Variants in UBAC2 observed in about 807,000 individuals in gnomAD.
The protein encoded by UBAC2 is UBA domain containing 2.
In UBAC2, 26 loss-of-function variants were observed where a neutral mutation model predicts 44.0. The ratio of observed to expected loss-of-function variants is 0.59; its 90% CI spans 0.43 to 0.82. The LOEUF (loss-of-function observed/expected upper bound fraction) is 0.82, where lower values mean the gene tolerates loss of function less well. Among genes scored for constraint, UBAC2 ranks in the 40% least tolerant of loss-of-function variants. UBAC2 has a pLI of 0.00. For synonymous variants in UBAC2, 155 were observed against 154.3 expected, an observed-to-expected ratio of 1.00 and a Z score of -0.04; for missense variants, 329 against 419.4, an observed-to-expected ratio of 0.78 and a Z score of 1.88.
intron 4 of UBAC2, among the ~76,000 whole-genome samples, chr13:99,262,849 G>A (rs139071706): frequency 6.6e-6 from 1 of 151,122 alleles, no homozygotes; most frequent in Non-Finnish European, 1.5e-5. Flanking sequence ...CATTTGTATA[G>A]TAAAAGTAAA....
intron 4 of UBAC2, among the ~76,000 whole-genome samples, chr13:99,248,865 AC>A (rs1410911887): frequency 1.3e-5 from 2 of 151,606 alleles, no homozygotes; most frequent in Non-Finnish European, 2.9e-5. Flanking sequence ...CTCAAAGAAA[AC>A]TCATGTTCAG....
At chr13:99,372,765 A>G (rs1026204147) in intron 8 of UBAC2, 1 of 152,304 alleles carries the variant, frequency 6.6e-6, no homozygotes, top group African/African-American at 2.4e-5. Flanking sequence ...GCCAAAGACC[A>G]CTTGATAAAA....
At position 99,282,691 on chromosome 13, in the gene UBAC2, G is replaced by A. The variant is rs529253265; in HGVS notation, c.390-31406G>A. Reference sequence around the variant, plus strand: ...AATAGTGAAGGGAACTTGAAGTCTGGTTGTATTCAAGATTCACTTCCTGTT... The same window carrying A: ...AATAGTGAAGGGAACTTGAAGTCTGATTGTATTCAAGATTCACTTCCTGTT... On this transcript the variant is annotated intron_variant, in intron 4 of 8. Transcript: ENST00000403766. Among the ~76,000 whole-genome samples, 8 of 152,274 alleles carry A rather than the reference G, an allele frequency of 5.3e-5. 1 individual carries two copies. The South Asian group carries it at 1.7e-3, about 32-fold the overall frequency.
chr13:99,321,225 CTT>C (rs1214067103), intron 6 of UBAC2, among the ~76,000 whole-genome samples: 1 of 152,180 alleles, frequency 6.6e-6, no homozygotes, highest in Non-Finnish European at 1.5e-5. Context: ...AAACCAAAAA[CTT>C]TACTCATGCT....
intron 7 of UBAC2, among the ~76,000 whole-genome samples, chr13:99,362,242 T>A (rs569741624): frequency 1.3e-5 from 2 of 152,212 alleles, no homozygotes; most frequent in South Asian, 4.1e-4. Flanking sequence ...TTTATAATGG[T>A]CTTTTATATA....
At chr13:99,237,242 A>G (rs1425922251) in intron 1 of UBAC2, among the ~76,000 whole-genome samples, 1 of 142,786 alleles carries the variant, frequency 7.0e-6, no homozygotes, top group African/African-American at 2.6e-5. Context: ...ATAGATAAAG[A>G]AAATTTTATG....
chr13:99,336,185 C>A (rs1361659174), intron 6 of UBAC2, among the ~76,000 whole-genome samples: 1 of 152,122 alleles, frequency 6.6e-6, no homozygotes, highest in Non-Finnish European at 1.5e-5. Flanking sequence ...GCTTTTAAAA[C>A]TGGGCTCTTT....
intron 7 of UBAC2, among the ~76,000 whole-genome samples, chr13:99,349,584 G>T (rs1466792147): frequency 2.6e-5 from 4 of 152,214 alleles, no homozygotes; most frequent in Non-Finnish European, 5.9e-5. Flanking sequence ...GGTGAAGCAA[G>T]TCACGTAATC....
chr13:99,317,509 A>G (rs940290411), intron 5 of UBAC2, among the ~76,000 whole-genome samples: 3 of 152,248 alleles, frequency 2.0e-5, no homozygotes, highest in African/African-American at 4.8e-5. Flanking sequence ...GAATGAGAAT[A>G]TCAACACTTG....
At chr13:99,200,971 C>G (rs7332516) in intron 1 of UBAC2, 32 bp downstream of exon 1, 136,016 of 1,298,942 alleles carry the variant, frequency 0.1, 7,758 homozygotes, top group South Asian at 0.25. Context: ...CCTGGCTGCC[C>G]CCTACACGCC....
chr13:99,297,227 A>G (rs2044189420), intron 4 of UBAC2, among the ~76,000 whole-genome samples: 1 of 152,192 alleles, frequency 6.6e-6, no homozygotes, highest in Non-Finnish European at 1.5e-5. Flanking sequence ...GTAAACTTTG[A>G]TTAAAGCAGG....
chr13:99,243,889 A>G lies in UBAC2; in HGVS notation c.217A>G (p.Ser73Gly). The G allele has an allele frequency of 1.9e-6, 3 of 1,570,448 alleles. No homozygotes were observed. The highest frequency in any genetic ancestry group is 2.4e-5 in the South Asian group (2 of 85,100). ...ICLDLKDTFCSSLLIYNFRIF... is the reference protein window; with the variant it reads ...ICLDLKDTFCGSLLIYNFRIF... ...CCTTGATTTGAAAGATACTTTCTGCAGTAGTCTGCTTATTTATAATTTTAG... is the reference window on the plus strand; with the variant it reads ...CCTTGATTTGAAAGATACTTTCTGCGGTAGTCTGCTTATTTATAATTTTAG... The change falls in exon 3 of 9, where the codon AGT (serine) becomes GGT (glycine). Residue 73 changes from serine (S) to glycine (G), a missense_variant. Coordinates refer to ENST00000403766, the MANE Select transcript of UBAC2 (RefSeq NM_001144072.2).
At chr13:99,350,252 C>T (rs1021894587) in intron 7 of UBAC2, among the ~76,000 whole-genome samples, 10 of 152,178 alleles carry the variant, frequency 6.6e-5, no homozygotes, top group Non-Finnish European at 1.5e-4. Context: ...CCTTCAGTTT[C>T]TTACCTCGGC....
chr13:99,228,717 G>T (rs1437381569), intron 1 of UBAC2, among the ~76,000 whole-genome samples: 1 of 152,174 alleles, frequency 6.6e-6, no homozygotes, highest in Non-Finnish European at 1.5e-5. Flanking sequence ...GGTTGGTTAG[G>T]CTTATAGTCA....
At chr13:99,217,394 C>T (rs550649146) in intron 1 of UBAC2, among the ~76,000 whole-genome samples, 11 of 152,316 alleles carry the variant, frequency 7.2e-5, no homozygotes, top group East Asian at 3.9e-4. Flanking sequence ...ACCATGCAGG[C>T]GTGTGTTCTG....
chr13:99,311,400 G>A (rs558017715), intron 4 of UBAC2, among the ~76,000 whole-genome samples: 59 of 152,292 alleles, frequency 3.9e-4, no homozygotes, highest in Middle Eastern at 3.4e-3. Context: ...GGCCTGGGAC[G>A]TCTTTGTCAT....
At chr13:99,253,639 G>A (rs935417090) in intron 4 of UBAC2, among the ~76,000 whole-genome samples, 7 of 151,908 alleles carry the variant, frequency 4.6e-5, no homozygotes, top group Non-Finnish European at 8.8e-5. Flanking sequence ...TCAGCTTCCC[G>A]AGTAGCTGGG....
intron 1 of UBAC2, among the ~76,000 whole-genome samples, chr13:99,225,169 A>G (rs1225252136): frequency 6.6e-6 from 1 of 152,190 alleles, no homozygotes; most frequent in Non-Finnish European, 1.5e-5. Context: ...CATAATATAA[A>G]ATGTACAATC....
intron 4 of UBAC2, chr13:99,312,890 A>G (rs954881949): frequency 6.5e-6 from 1 of 153,278 alleles, no homozygotes; most frequent in Non-Finnish European, 1.5e-5. Flanking sequence ...GAGCTTTGCC[A>G]TCACATCTTT....
Sources: allele counts gnomAD v4.1 joint callset (sites outside exome capture counted in the v4.1 genomes callset), GRCh38; gene constraint gnomAD v4.1.1; transcripts MANE v1.5; gene names NCBI Gene and HGNC (gene_info 2026-07-23, HGNC 2026-07-21).